The following PSMA2 variants were observed in gnomAD, a reference collection of about 807,000 sequenced individuals.
The protein encoded by PSMA2 is proteasome 20S subunit alpha 2, also known as proteasome subunit alpha type-2.
Under a neutral mutation model 35.9 loss-of-function variants are expected in PSMA2, and 2 were observed. The ratio of observed to expected loss-of-function variants is 0.06; its 90% CI spans 0.02 to 0.18. The LOEUF is 0.18. PSMA2 is among the 10% of genes least tolerant of loss of function. PSMA2 has a pLI of 1.00. For synonymous variants in PSMA2, 97 were observed against 98.2 expected, an observed-to-expected ratio of 0.99 and a Z score of 0.07; for missense variants, 126 against 278.8, an observed-to-expected ratio of 0.45 and a Z score of 3.90.
chr7:42,924,584 A>G (rs1317374904), intron 4 of PSMA2, 91 bp downstream of exon 4: 2 of 1,273,592 alleles, frequency 1.6e-6, no homozygotes, highest in Non-Finnish European at 2.1e-6. Flanking sequence ...AAATACAGAA[A>G]TGGTAAGTCC....
Position 42,924,684 on chromosome 7 carries a change from G to A in PSMA2, c.365C>T (p.Thr122Ile). ...QRVASVMQEY[T>I]QSGGVRPFGV... ...AAAAAAAGCAACTTACCCTGACTGA[G>A]TATATTCTTGCATCACAGAAGCTAC... The change falls in exon 4 of 8, where the codon ACT (threonine) becomes ATT (isoleucine). Residue 122 changes from threonine (T) to isoleucine (I), a missense_variant. Around this residue, in one of 3 missense-constraint regions of PSMA2, gnomAD observed 78 missense variants for 151.1 expected, o/e 0.52. Transcript: ENST00000223321. 1.2e-6 allele frequency: 2 copies of A among 1,611,638 alleles called. No homozygotes were observed. Among genetic ancestry groups the A allele is most frequent in the Non-Finnish European group, 1.7e-6 (2 of 1,178,630 alleles).
intron 6 of PSMA2, 136 bp downstream of exon 6, chr7:42,921,722 G>T: frequency 1.7e-5 from 9 of 518,490 alleles, no homozygotes; most frequent in East Asian, 3.1e-5. Context: ...AGAAGTTTTT[G>T]GTTTATCTGT....
intron 4 of PSMA2, 30 bp downstream of exon 4, chr7:42,924,645 G>C: frequency 6.3e-7 from 1 of 1,594,960 alleles, no homozygotes; most frequent in Non-Finnish European, 8.6e-7. Context: ...TACAATTCAT[G>C]GCACATTTCA....
At chr7:42,931,992 T>C in intron 1 of PSMA2, 126 bp downstream of exon 1, 6 of 1,297,278 alleles carry the variant, frequency 4.6e-6, no homozygotes, top group Non-Finnish European at 6.6e-6. Flanking sequence ...CAAAGCCGCA[T>C]TTCCAACTCC....
intron 6 of PSMA2, chr7:42,920,617 C>T (rs1383744914): frequency 6.6e-6 from 1 of 152,100 alleles, no homozygotes; most frequent in African/African-American, 2.4e-5. Flanking sequence ...CAAATCATAA[C>T]ATATCATGTA....
At chr7:42,932,004 T>C in intron 1 of PSMA2, 114 bp downstream of exon 1, 1 of 1,373,704 alleles carries the variant, frequency 7.3e-7, no homozygotes, top group Non-Finnish European at 1.0e-6. Flanking sequence ...TCCAACTCCA[T>C]TCCCTACTGG....
intron 6 of PSMA2, 75 bp downstream of exon 6, chr7:42,921,783 A>G (rs1308462894): frequency 1.1e-5 from 13 of 1,213,476 alleles, no homozygotes; most frequent in Non-Finnish European, 1.6e-5. Context: ...GTCCCATGAT[A>G]TTAATTTACT....
At chr7:42,930,854 T>C (rs1786295676) in intron 1 of PSMA2, among the ~76,000 whole-genome samples, 1 of 152,044 alleles carries the variant, frequency 6.6e-6, no homozygotes, top group African/African-American at 2.4e-5. Context: ...TCTTCATAAA[T>C]AGGAACAGTG....
chr7:42,923,276 TC>T, intron 5 of PSMA2, 48 bp downstream of exon 5: 1 of 1,381,916 alleles, frequency 7.2e-7, no homozygotes, highest in Non-Finnish European at 1.0e-6. Context: ...TGTTAGATAT[TC>T]AAAGAGCACT....
rs1236350104 is a variant in PSMA2 at position 42,927,401 on chromosome 7, G to A, written c.100C>T (p.Pro34Ser). 8.1e-6 allele frequency: 13 copies of A among 1,613,964 alleles called. No homozygotes were observed. The highest frequency in any genetic ancestry group is 1.1e-5 in the Non-Finnish European group (13 of 1,179,912). Residue 34 changes from proline to serine, a missense_variant, in exon 2 of 8, where the codon CCG becomes TCG. Pro to Ser is a moderately conservative substitution (Grantham distance 74). This residue lies in a region of PSMA2 where 78 missense variants were observed against 151.1 expected (regional missense o/e 0.52). Coordinates refer to ENST00000223321, the MANE Select transcript of PSMA2 (RefSeq NM_002787.5). Reference sequence around the variant, plus strand: ...TCATTACCTTTAATTCCCACGGACGGGGCTCCTCCAGCTACAGCAGCCAAA... The same window carrying A: ...TCATTACCTTTAATTCCCACGGACGAGGCTCCTCCAGCTACAGCAGCCAAA... ...YALAAVAGGAPSVGIKAANGV... is the reference protein window; with the variant it reads ...YALAAVAGGASSVGIKAANGV...
intron 3 of PSMA2, among the ~76,000 whole-genome samples, chr7:42,925,056 T>G (rs745572433): frequency 3.9e-4 from 59 of 152,160 alleles, no homozygotes; most frequent in Admixed American, 6.6e-4. Flanking sequence ...GCTCCACGGC[T>G]TCTTCAAGAC....
intron 2 of PSMA2, 57 bp downstream of exon 2, chr7:42,927,326 C>A: frequency 4.8e-6 from 7 of 1,468,648 alleles, no homozygotes; most frequent in South Asian, 1.2e-5. Context: ...TAATGAATTC[C>A]AAAATAATTA....
chr7:42,928,515 C>T (rs990425665), intron 1 of PSMA2, among the ~76,000 whole-genome samples: 4 of 152,138 alleles, frequency 2.6e-5, no homozygotes, highest in South Asian at 2.1e-4. Flanking sequence ...GGTAGCTAAA[C>T]GCAAGTCTCA....
At chr7:42,919,498 A>G (rs1431275804) in intron 6 of PSMA2, 2 of 519,918 alleles carry the variant, frequency 3.8e-6, no homozygotes, top group African/African-American at 3.9e-5. Context: ...GCCCTATGGT[A>G]CAGTGAGGAT....
At chr7:42,931,466 G>A (rs1786310203) in intron 1 of PSMA2, among the ~76,000 whole-genome samples, 1 of 152,066 alleles carries the variant, frequency 6.6e-6, no homozygotes, top group Admixed American at 6.5e-5. Flanking sequence ...CTTGTTTAAA[G>A]TAAACATCCC....
intron 6 of PSMA2, chr7:42,919,664 C>A: frequency 1.8e-6 from 1 of 566,930 alleles, no homozygotes; most frequent in South Asian, 1.6e-5. Context: ...TGATCCAGTG[C>A]TTTTGACAGT....
At chr7:42,924,353 C>CAAAAAAAAAAAAAAAAAAAA (rs58198756) in intron 4 of PSMA2, among the ~76,000 whole-genome samples, 1 of 69,422 alleles carries the variant, frequency 1.4e-5, no homozygotes, top group African/African-American at 6.2e-5. Context: ...GACTCTGACT[C>CAAAAAAAAAAAAAAAAAAAA]AAAAAAAAAA....
intron 3 of PSMA2, among the ~76,000 whole-genome samples, 182 bp downstream of exon 3, chr7:42,926,354 T>C (rs1311117347): frequency 6.6e-6 from 1 of 152,206 alleles, no homozygotes; most frequent in African/African-American, 2.4e-5. Flanking sequence ...GTTATTCTCT[T>C]TAAAGTAACC....
rs527913929 is a variant in PSMA2 at position 42,917,344 on chromosome 7, G to C, written c.*230C>G. The C allele has an allele frequency of 1.5e-5, 6 of 394,864 alleles. No homozygotes were observed. The East Asian group carries it at 2.7e-4, about 18-fold the overall frequency. 24.5% of individuals were successfully genotyped at this position (394,864 alleles called of 1,614,324 possible). A position where few individuals can be genotyped will look rare whatever the true frequency, so the allele number is the denominator to read the frequency against. The stretch of plus-strand genomic sequence containing the variant: ...ATTCTGCTTGGCAATGTAGTCTTCA[G>C]AAATCAACTGTGATAAAAAGCAGGA... On this transcript the variant is annotated 3_prime_UTR_variant, in exon 8 of 8. Transcript: ENST00000223321.
Sources: allele counts gnomAD v4.1 joint callset (sites outside exome capture counted in the v4.1 genomes callset), GRCh38; gene constraint gnomAD v4.1.1; regional missense constraint gnomAD v4.1.1; transcripts MANE v1.5; gene names NCBI Gene and HGNC (gene_info 2026-07-23, HGNC 2026-07-21).